VIT: variants seen among roughly 807,000 people sequenced by gnomAD.
VIT encodes vitrin.
Under a neutral mutation model 78.0 loss-of-function variants are expected in VIT, and 99 were observed. The observed-to-expected ratio is 1.27, with a 90% CI of 1.08 to 1.50. The LOEUF is 1.50. Ranked by LOEUF, VIT falls within the 40% of genes most tolerant of loss-of-function variation. The pLI, the probability that VIT is intolerant of heterozygous loss-of-function variation, is 0.00. For missense variants in VIT, 1,126 were observed against 875.3 expected, an observed-to-expected ratio of 1.29 and a Z score of -3.61; for synonymous variants, 374 against 334.3, an observed-to-expected ratio of 1.12 and a Z score of -1.29.
In VIT at chr2:36,806,110, G is replaced by A. The variant is rs112711864; in HGVS notation, c.1389+446G>A. Among the ~76,000 whole-genome samples the A allele has an allele frequency of 2.9e-3, 438 of 152,238 alleles. 1 individual carries two copies. The highest frequency in any genetic ancestry group is 0.01 in the African/African-American group (425 of 41,528). ...GGCACTGAACCACAGCAGTGAGATC[G>A]CGTTTTCAGATGCTCCTCCTGGGTT... On this transcript the variant is annotated intron_variant, in intron 14 of 15. Coordinates refer to ENST00000379242, the MANE Select transcript of VIT (RefSeq NM_053276.4).
intron 12 of VIT, among the ~76,000 whole-genome samples, chr2:36,792,802 G>C (rs529220493): frequency 6.6e-6 from 1 of 152,242 alleles, no homozygotes; most frequent in Admixed American, 6.5e-5. Context: ...CCAGAGGGCT[G>C]GGGGAGCTCC....
chr2:36,813,730 T>G (rs536986112), intron 15 of VIT, among the ~76,000 whole-genome samples: 1 of 152,320 alleles, frequency 6.6e-6, no homozygotes, highest in South Asian at 2.1e-4. Context: ...TTTGATGGCA[T>G]TTAAGGCTCT....
chr2:36,733,841 G>A (rs560178163), intron 3 of VIT, among the ~76,000 whole-genome samples: 2 of 152,230 alleles, frequency 1.3e-5, no homozygotes, highest in South Asian at 2.1e-4. Context: ...GTGGTGGGGG[G>A]CAGTGGCTCT....
intron 15 of VIT, among the ~76,000 whole-genome samples, chr2:36,810,278 GC>G (rs1667062018): frequency 6.6e-6 from 1 of 152,182 alleles, no homozygotes; most frequent in Admixed American, 6.6e-5. Flanking sequence ...GGCAACAAGA[GC>G]AAAACTCTGT....
chr2:36,767,790 G>A (rs929770663), intron 7 of VIT, among the ~76,000 whole-genome samples: 3 of 152,106 alleles, frequency 2.0e-5, no homozygotes, highest in Non-Finnish European at 2.9e-5. Flanking sequence ...ACTTCATCTC[G>A]TACTACATCA....
chr2:36,714,269 G>A (rs6741718), intron 1 of VIT, among the ~76,000 whole-genome samples: 1,766 of 152,206 alleles, frequency 0.012, 46 homozygotes, highest in African/African-American at 0.04. Flanking sequence ...TAATAAATAT[G>A]CATAGCAGTG....
At chr2:36,790,154 A>G (rs1665386664) in intron 12 of VIT, among the ~76,000 whole-genome samples, 2 of 152,202 alleles carry the variant, frequency 1.3e-5, no homozygotes, top group Admixed American at 6.5e-5. Context: ...AATGCAACAC[A>G]TCTTGACTCC....
At chr2:36,806,369 C>T (rs192985973) in intron 14 of VIT, among the ~76,000 whole-genome samples, 283 of 152,320 alleles carry the variant, frequency 1.9e-3, no homozygotes, top group Non-Finnish European at 2.3e-3. Context: ...AAACTGATGA[C>T]CACTTCCTGC....
intron 1 of VIT, among the ~76,000 whole-genome samples, chr2:36,710,012 G>T (rs896246175): frequency 3.9e-5 from 6 of 152,196 alleles, no homozygotes; most frequent in African/African-American, 1.4e-4. Context: ...GCAAGAGTGA[G>T]TTAGGAGACT....
At chr2:36,729,600 G>C in intron 3 of VIT, 109 bp downstream of exon 3, 1 of 1,080,762 alleles carries the variant, frequency 9.3e-7, no homozygotes. Flanking sequence ...TTATCTCTAT[G>C]TCAATTAATT....
intron 9 of VIT, among the ~76,000 whole-genome samples, chr2:36,780,352 C>A (rs1265610560): frequency 1.3e-5 from 2 of 152,038 alleles, no homozygotes; most frequent in Non-Finnish European, 1.5e-5. Context: ...AAGCCTTGGG[C>A]AAAAAGTGAG....
At chr2:36,737,722 T>TA (rs1336395902) in intron 3 of VIT, among the ~76,000 whole-genome samples, 2 of 152,158 alleles carry the variant, frequency 1.3e-5, no homozygotes, top group African/African-American at 4.8e-5. Flanking sequence ...TGAAGAGAAA[T>TA]ACGACTCCAT....
At position 36,767,695 on chromosome 2, in the gene VIT, G is replaced by C. The variant is rs969004712; in HGVS notation, c.679+410G>C. On this transcript the variant is annotated intron_variant, in intron 7 of 15. Transcript: ENST00000379242. ...TTAGGAAAAGTCAGCTAATGTTTTTGTTCCTTTTCTGATGGTTTTTTGTCT... is the reference window on the plus strand; with the variant it reads ...TTAGGAAAAGTCAGCTAATGTTTTTCTTCCTTTTCTGATGGTTTTTTGTCT... Among the ~76,000 whole-genome samples the C allele has an allele frequency of 2.6e-5, 4 of 152,132 alleles. No homozygotes were observed. The East Asian group carries it at 7.7e-4, about 29-fold the overall frequency.
intron 4 of VIT, among the ~76,000 whole-genome samples, chr2:36,748,233 G>A (rs1173554321): frequency 1.3e-5 from 2 of 152,138 alleles, no homozygotes; most frequent in African/African-American, 4.8e-5. Context: ...CTCACTCACA[G>A]AGATTTGCTG....
chr2:36,756,959 T>C (rs1473799460), intron 5 of VIT, among the ~76,000 whole-genome samples: 1 of 152,216 alleles, frequency 6.6e-6, no homozygotes, highest in Non-Finnish European at 1.5e-5. Context: ...GCTGATATTA[T>C]TCCCTATAAA....
At chr2:36,750,198 A>T (rs567674356) in intron 4 of VIT, among the ~76,000 whole-genome samples, 1 of 152,366 alleles carries the variant, frequency 6.6e-6, no homozygotes, top group South Asian at 2.1e-4. Context: ...TCACCCTGAA[A>T]TCAATTTCAT....
At chr2:36,750,215 AG>A (rs1376614435) in intron 4 of VIT, among the ~76,000 whole-genome samples, 1 of 152,266 alleles carries the variant, frequency 6.6e-6, no homozygotes, top group Non-Finnish European at 1.5e-5. Flanking sequence ...TCATACTAAA[AG>A]GGAAAAGTTA....
intron 12 of VIT, among the ~76,000 whole-genome samples, chr2:36,800,379 T>C (rs1666234637): frequency 6.6e-6 from 1 of 152,060 alleles, no homozygotes; most frequent in African/African-American, 2.4e-5. Context: ...AACAGTAACC[T>C]CTAGCCTGGA....
intron 12 of VIT, among the ~76,000 whole-genome samples, chr2:36,795,601 G>A (rs928785427): frequency 1.5e-4 from 23 of 151,896 alleles, no homozygotes; most frequent in African/African-American, 5.6e-4. Flanking sequence ...TTTTAGTGGA[G>A]ACTGGGTTTC....
Sources: allele counts gnomAD v4.1 joint callset (sites outside exome capture counted in the v4.1 genomes callset), GRCh38; gene constraint gnomAD v4.1.1; transcripts MANE v1.5; gene names NCBI Gene and HGNC (gene_info 2026-07-23, HGNC 2026-07-21).